Variants in ANKH observed in about 807,000 individuals in gnomAD.
ANKH encodes mineralization regulator ANKH.
Under a neutral mutation model 49.0 loss-of-function variants are expected in ANKH, and 15 were observed. The ratio of observed to expected loss-of-function variants is 0.31; its 90% CI spans 0.20 to 0.47. The LOEUF (loss-of-function observed/expected upper bound fraction) is 0.47, where lower values mean the gene tolerates loss of function less well. Among genes scored for constraint, ANKH ranks in the 20% least tolerant of loss-of-function variants. The pLI is 1.00. For synonymous variants in ANKH, 273 were observed against 260.0 expected (o/e 1.05, Z -0.48); for missense variants, 429 against 652.0 (o/e 0.66, Z 3.72).
chr5:14,761,237 T>C (rs1739068389), intron 2 of ANKH, among the ~76,000 whole-genome samples: 3 of 152,166 alleles, frequency 2.0e-5, no homozygotes, highest in Admixed American at 1.3e-4. Context: ...ACTTCCAGCA[T>C]CCATAACTGT....
intron 2 of ANKH, among the ~76,000 whole-genome samples, chr5:14,760,640 C>T (rs1224291548): frequency 6.6e-6 from 1 of 152,210 alleles, no homozygotes; most frequent in Non-Finnish European, 1.5e-5. Flanking sequence ...TGTCCCCACA[C>T]CCACCTCTCA....
At chr5:14,738,967 AG>A (rs1314825112) in intron 8 of ANKH, among the ~76,000 whole-genome samples, 1 of 152,236 alleles carries the variant, frequency 6.6e-6, no homozygotes, top group East Asian at 1.9e-4. Flanking sequence ...AGTGTCAAGC[AG>A]GATGCTAAGC....
At chr5:14,793,035 A>AATATATATATAT (rs1247366121) in intron 1 of ANKH, among the ~76,000 whole-genome samples, 6 of 72,254 alleles carry the variant, frequency 8.3e-5, no homozygotes, top group South Asian at 7.8e-4. Context: ...TATATATATA[A>AATATATATATAT]AAATATATAT....
At chr5:14,743,880 G>C (rs1357945819) in intron 7 of ANKH, among the ~76,000 whole-genome samples, 1 of 152,192 alleles carries the variant, frequency 6.6e-6, no homozygotes, top group Non-Finnish European at 1.5e-5. Context: ...TGCTCTTACT[G>C]AAACCATACA....
chr5:14,859,740 T>C (rs1735422258), intron 1 of ANKH, among the ~76,000 whole-genome samples: 1 of 152,208 alleles, frequency 6.6e-6, no homozygotes, highest in Non-Finnish European at 1.5e-5. Flanking sequence ...TGGTGTGGAT[T>C]ACACACAGGT....
At position 14,721,929 on chromosome 5, in the gene ANKH, C is replaced by CCA. The variant is rs564649239; in HGVS notation, c.1012-5095_1012-5094insTG. Among the ~76,000 whole-genome samples the CCA allele has an allele frequency of 7.4e-3, 440 of 59,538 alleles. 3 individuals are homozygous for CCA. The highest frequency in any genetic ancestry group is 0.017 in the African/African-American group (179 of 10,572). 39.1% of individuals were successfully genotyped at this position (59,538 alleles called of 152,430 possible). On this transcript the variant is annotated intron_variant, in intron 8 of 11. Coordinates refer to ENST00000284268, the MANE Select transcript of ANKH (RefSeq NM_054027.6). ...TGGGCGACAGAGCGAGACTCCGTCT[C>CCA]AAAAAAAAAAAAAAAAAAAAAAAAA...
Position 14,706,893 on chromosome 5 carries a change from G to A in ANKH, c.*4304C>T, listed in dbSNP as rs1736962220. On this transcript the variant is annotated 3_prime_UTR_variant, in exon 12 of 12. Coordinates refer to ENST00000284268, the MANE Select transcript of ANKH (RefSeq NM_054027.6). Reference sequence around the variant, plus strand: ...CCATCAGAGGACTGTGTGTGAGGGCGATGTCTACAGAATGCAGGCAGGAGC... The same window carrying A: ...CCATCAGAGGACTGTGTGTGAGGGCAATGTCTACAGAATGCAGGCAGGAGC... 1 of 152,188 alleles carries A rather than the reference G, an allele frequency of 6.6e-6. No individual in the cohort carries two copies. The highest frequency in any genetic ancestry group is 2.4e-5 in the African/African-American group (1 of 41,446). The allele number at this position is 152,188 out of a possible 1,614,324, so 9.4% of individuals were successfully genotyped here. A position where few individuals can be genotyped will look rare whatever the true frequency, so the allele number is the denominator to read the frequency against.
At chr5:14,726,098 C>G (rs1329643778) in intron 8 of ANKH, among the ~76,000 whole-genome samples, 1 of 152,140 alleles carries the variant, frequency 6.6e-6, no homozygotes, top group East Asian at 1.9e-4. Context: ...GTTTTCACAG[C>G]CAGCGTCTTG....
At position 14,777,998 on chromosome 5, in the gene ANKH, G is replaced by A. The variant is rs141200017; in HGVS notation, c.97-8807C>T. Reference sequence around the variant, plus strand: ...CCCTGGGCAAAAGCCCTGCAGTCCCGCTCCAGTGAACAGCACCTCCCTGCC... The same window carrying A: ...CCCTGGGCAAAAGCCCTGCAGTCCCACTCCAGTGAACAGCACCTCCCTGCC... On this transcript the variant is annotated intron_variant, in intron 1 of 11. Transcript: ENST00000284268. Among the ~76,000 whole-genome samples the A allele has an allele frequency of 5.3e-5, 8 of 152,240 alleles. No homozygotes were observed. In the East Asian group the frequency reaches 1.5e-3, roughly 29 times the overall value.
intron 1 of ANKH, among the ~76,000 whole-genome samples, chr5:14,837,930 G>T (rs1381216905): frequency 2.0e-5 from 3 of 152,196 alleles, no homozygotes; most frequent in African/African-American, 7.2e-5. Context: ...ATACTATGCA[G>T]CCATAAAAAA....
chr5:14,769,274 A>C, intron 1 of ANKH, 83 bp from the exon 2 acceptor site: 2 of 1,181,698 alleles, frequency 1.7e-6, no homozygotes, highest in Non-Finnish European at 2.5e-6. Context: ...GAAATTCAGC[A>C]GATCACGTTT....
intron 1 of ANKH, among the ~76,000 whole-genome samples, chr5:14,824,546 T>A (rs998998784): frequency 6.6e-6 from 1 of 152,194 alleles, no homozygotes. Context: ...AATAGCTGTA[T>A]GTTAATCATA....
At chr5:14,839,857 C>T (rs567116155) in intron 1 of ANKH, among the ~76,000 whole-genome samples, 6 of 152,194 alleles carry the variant, frequency 3.9e-5, no homozygotes, top group East Asian at 1.9e-4. Context: ...GATGCAAGCA[C>T]GTACCCCATC....
At chr5:14,741,363 C>T (rs1049145849) in intron 8 of ANKH, 3 of 199,348 alleles carry the variant, frequency 1.5e-5, no homozygotes, top group Non-Finnish European at 3.1e-5. Context: ...CCTGGGATCC[C>T]GCAGGGGCTC....
intron 6 of ANKH, among the ~76,000 whole-genome samples, chr5:14,746,561 G>A (rs1206515690): frequency 6.6e-6 from 1 of 152,220 alleles, no homozygotes; most frequent in Non-Finnish European, 1.5e-5. Flanking sequence ...GGATCAGAAT[G>A]TTGTAGCCCC....
At chr5:14,755,674 C>A (rs1396037853) in intron 4 of ANKH, among the ~76,000 whole-genome samples, 187 bp downstream of exon 4, 1 of 152,206 alleles carries the variant, frequency 6.6e-6, no homozygotes, top group South Asian at 2.1e-4. Flanking sequence ...ACTGTTATTA[C>A]AGGGCATTCC....
intron 1 of ANKH, among the ~76,000 whole-genome samples, chr5:14,817,048 T>C (rs778199824): frequency 1.5e-4 from 23 of 152,380 alleles, no homozygotes; most frequent in Middle Eastern, 3.4e-3. Context: ...AATATTTCAC[T>C]GAATAAAGTG....
chr5:14,722,059 T>C (rs1443269694), intron 8 of ANKH, among the ~76,000 whole-genome samples: 1 of 151,684 alleles, frequency 6.6e-6, no homozygotes, highest in Non-Finnish European at 1.5e-5. Context: ...TCAGACTACA[T>C]TTAACAAGTC....
At chr5:14,787,304 A>G (rs1190207933) in intron 1 of ANKH, among the ~76,000 whole-genome samples, 4 of 151,902 alleles carry the variant, frequency 2.6e-5, no homozygotes. Flanking sequence ...ACAGAGCAAG[A>G]CTCCATCTCA....
Sources: allele counts gnomAD v4.1 joint callset (sites outside exome capture counted in the v4.1 genomes callset), GRCh38; gene constraint gnomAD v4.1.1; transcripts MANE v1.5; gene names NCBI Gene and HGNC (gene_info 2026-07-23, HGNC 2026-07-21).